TASOR2: variants seen among roughly 807,000 people sequenced by gnomAD.
The protein encoded by TASOR2 is transcription activation suppressor family member 2.
Under a neutral mutation model 199.5 loss-of-function variants are expected in TASOR2, and 84 were observed. The ratio of observed to expected loss-of-function variants is 0.42; its 90% CI spans 0.35 to 0.50. The LOEUF (loss-of-function observed/expected upper bound fraction) is 0.50, where lower values mean the gene tolerates loss of function less well. Among genes scored for constraint, TASOR2 ranks in the 20% least tolerant of loss-of-function variants. The pLI is 0.02. For synonymous variants in TASOR2, 1,103 were observed against 1,046.6 expected (o/e 1.05, Z -1.04); for missense variants, 2,796 against 2,835.9 (o/e 0.99, Z 0.32).
At chr10:5,761,319 T>C in exon 19 of TASOR2, 1 of 1,613,856 alleles carries the variant, frequency 6.2e-7, no homozygotes, top group Non-Finnish European at 8.5e-7. Context: ...AAGAAGAACA[T>C]AATGTTGAAG....
rs1478921353 is a variant in TASOR2 at position 5,689,607 on chromosome 10, C to T, written c.-288+4432C>T. Among the ~76,000 whole-genome samples the T allele has an allele frequency of 2.6e-5, 4 of 151,860 alleles. No homozygotes were observed. On this transcript the variant is annotated intron_variant, in intron 1 of 20. Transcript: ENST00000328090. This position sits in a 1 kb window ranked among gnomAD's most constrained non-coding sequence, Gnocchi z 4.1. ...AGAGCAAGACTCCATCTCAAAAAAA[C>T]AAAAAAACAAGCATGTATGTATCTT...
chr10:5,744,408 T>C (rs146233679), intron 14 of TASOR2, among the ~76,000 whole-genome samples: 1 of 152,332 alleles, frequency 6.6e-6, no homozygotes, highest in Non-Finnish European at 1.5e-5. Flanking sequence ...GTTCAACTGA[T>C]TCTCCTGCCT....
At position 5,708,809 on chromosome 10, in the gene TASOR2, G is replaced by A. The variant is rs568418565; in HGVS notation, c.-287-4014G>A. 1.0e-3 allele frequency among the ~76,000 whole-genome samples: 154 copies of A among 151,572 alleles called. 1 individual carries two copies. The highest frequency in any genetic ancestry group is 3.5e-3 in the African/African-American group (146 of 41,276). On this transcript the variant is annotated intron_variant, in intron 1 of 20. Coordinates refer to ENST00000328090, the Ensembl canonical transcript of TASOR2. The stretch of plus-strand genomic sequence containing the variant: ...TTCTTCCCCCCAGACTCAAGCCATC[G>A]TCCCACCTCAGCCTCCAAAGTAGCT...
In TASOR2 at chr10:5,685,569, C is replaced by G. The variant is rs146350806; in HGVS notation, c.-288+394C>G. Among the ~76,000 whole-genome samples, 196 of 152,310 alleles carry G rather than the reference C, an allele frequency of 1.3e-3. 3 individuals carry two copies. In the East Asian group the frequency reaches 0.027, roughly 21 times the overall value. ...ATTTCCTGCGGGTTCTGCGTGAAGC[C>G]TGCTGCTACTCGAGACTTCATGGCA... On this transcript the variant is annotated intron_variant, in intron 1 of 20. Transcript: ENST00000328090. The surrounding 1 kb of genome is among the most constrained non-coding windows in gnomAD (Gnocchi z 5.4).
chr10:5,763,372 T>C (rs1282843563), exon 21 of TASOR2: 1 of 225,820 alleles, frequency 4.4e-6, no homozygotes, highest in Non-Finnish European at 8.5e-6. Context: ...GCTTTGTTTT[T>C]GCATGCTAAT....
chr10:5,749,274 T>G, exon 15 of TASOR2: 1 of 1,614,214 alleles, frequency 6.2e-7, no homozygotes, highest in South Asian at 1.1e-5. Context: ...CGAGTTTCAG[T>G]GCAAACTGTG....
Position 5,714,162 on chromosome 10 carries a change from C to T in TASOR2, c.-192+1244C>T, listed in dbSNP as rs530055058. ...AAAATTGGTATGTCAGTGTGGACTC[C>T]GTGTTGGCAGCAGTGCTGTTACCAC... On this transcript the variant is annotated intron_variant, in intron 2 of 20. Transcript: ENST00000328090. 3.6e-5 allele frequency: 44 copies of T among 1,231,644 alleles called. No homozygotes were observed. The South Asian group carries it at 6.2e-4, about 17-fold the overall frequency. 76.3% of individuals were successfully genotyped at this position (1,231,644 alleles called of 1,614,324 possible).
At chr10:5,716,336 T>A (rs1000236510) in intron 2 of TASOR2, among the ~76,000 whole-genome samples, 5 of 152,174 alleles carry the variant, frequency 3.3e-5, no homozygotes, top group African/African-American at 1.2e-4. Flanking sequence ...TGAACATACA[T>A]GTACAAGTTT....
chr10:5,713,123 T>C (rs1344014176), intron 2 of TASOR2, among the ~76,000 whole-genome samples: 5 of 152,174 alleles, frequency 3.3e-5, no homozygotes, highest in African/African-American at 1.2e-4. Flanking sequence ...TCTCTTTAGT[T>C]TTATCTGAAA....
At chr10:5,691,622 A>G (rs1836435833) in intron 1 of TASOR2, among the ~76,000 whole-genome samples, 1 of 152,240 alleles carries the variant, frequency 6.6e-6, no homozygotes, top group South Asian at 2.1e-4. Context: ...ATGCTATACA[A>G]CACACTAATG....
At position 5,750,616 on chromosome 10, in the gene TASOR2, T is replaced by A. The variant is rs889309409; in HGVS notation, c.6606+589T>A. ...CTATTTCGGGCATAGACAGTATTTTTAAAAATTTAATTGTTTTTAATTTCA... is the reference window on the plus strand; with the variant it reads ...CTATTTCGGGCATAGACAGTATTTTAAAAAATTTAATTGTTTTTAATTTCA... On this transcript the variant is annotated intron_variant, in intron 15 of 20. Transcript: ENST00000328090. This position sits in a 1 kb window ranked among gnomAD's most constrained non-coding sequence, Gnocchi z 5.4. 2.0e-5 allele frequency among the ~76,000 whole-genome samples: 3 copies of A among 152,238 alleles called. No individual in the cohort carries two copies. Among genetic ancestry groups the A allele is most frequent in the Non-Finnish European group, 4.4e-5 (3 of 68,040 alleles).
At chr10:5,762,295 G>C (rs534025041) in intron 19 of TASOR2, among the ~76,000 whole-genome samples, 1 of 148,004 alleles carries the variant, frequency 6.8e-6, no homozygotes, top group South Asian at 2.2e-4. Flanking sequence ...TTTACGTAAA[G>C]AACCATAGTT....
chr10:5,749,033 A>C, exon 15 of TASOR2: 1 of 1,614,078 alleles, frequency 6.2e-7, no homozygotes, highest in Non-Finnish European at 8.5e-7. Flanking sequence ...TCGTCGTTGA[A>C]CTTCCACAAC....
rs1283670157 is a variant in TASOR2, at chr10:5,690,957, C to G, written c.-288+5782C>G. On this transcript the variant is annotated intron_variant, in intron 1 of 20. Coordinates refer to ENST00000328090, the Ensembl canonical transcript of TASOR2. This position sits in a 1 kb window ranked among gnomAD's most constrained non-coding sequence, Gnocchi z 4.8. ...CCTGTAATCCCAGCACTTTGGGAGG[C>G]CGAGGTGGGTGGATCACAAGGTCAG... Among the ~76,000 whole-genome samples, 1 of 151,992 alleles carries G rather than the reference C, an allele frequency of 6.6e-6. No individual in the cohort carries two copies. Among genetic ancestry groups the G allele is most frequent in the East Asian group, 1.9e-4 (1 of 5,170 alleles).
At position 5,748,777 on chromosome 10, in the gene TASOR2, G is replaced by C; in HGVS notation, c.5356G>C (p.Gly1786Arg). Residue 1786 changes from glycine (G) to arginine (R), a missense_variant, in exon 15 of 21, where the codon GGA (glycine) becomes CGA (arginine). Gly to Arg is a moderately radical substitution (Grantham distance 125). This residue lies in a region of TASOR2 where 1,941 missense variants were observed against 1,924.9 expected (regional missense o/e 1.01). Coordinates refer to ENST00000328090, the Ensembl canonical transcript of TASOR2. This position sits in a 1 kb window ranked among gnomAD's most constrained non-coding sequence, Gnocchi z 5.1. The stretch of plus-strand genomic sequence containing the variant: ...AGAATCCTTTGATACTTCTGTTTGT[G>C]GAATAGCCACAGAGCACGTAGAAAT... 1 of 1,614,152 alleles carries C rather than the reference G, an allele frequency of 6.2e-7. No homozygotes were observed. Among genetic ancestry groups the C allele is most frequent in the Non-Finnish European group, 8.5e-7 (1 of 1,180,022 alleles).
At chr10:5,743,915 C>T (rs1456449803) in intron 14 of TASOR2, 4 of 151,928 alleles carry the variant, frequency 2.6e-5, no homozygotes, top group East Asian at 1.9e-4. Flanking sequence ...CGTGTGCTAT[C>T]GCACTCCCTC....
At position 5,685,932 on chromosome 10, in the gene TASOR2, C is replaced by T. The variant is rs1406288098; in HGVS notation, c.-288+757C>T. On this transcript the variant is annotated intron_variant, in intron 1 of 20. Coordinates refer to ENST00000328090, the Ensembl canonical transcript of TASOR2. This position sits in a 1 kb window ranked among gnomAD's most constrained non-coding sequence, Gnocchi z 5.4. ...ATCCAAAACTTAAATATGTGGCGTA[C>T]AAGTGTATGGTATTATTGGAATGGC... Among the ~76,000 whole-genome samples the T allele has an allele frequency of 6.6e-6, 1 of 152,112 alleles. No homozygotes were observed. Among genetic ancestry groups the T allele is most frequent in the Admixed American group, 6.5e-5 (1 of 15,272 alleles).
chr10:5,752,145 G>A lies in TASOR2; in HGVS notation c.6606+2118G>A, dbSNP rs1838141638. On this transcript the variant is annotated intron_variant, in intron 15 of 20. Coordinates refer to ENST00000328090, the Ensembl canonical transcript of TASOR2. The surrounding 1 kb of genome is among the most constrained non-coding windows in gnomAD (Gnocchi z 4.4). The stretch of plus-strand genomic sequence containing the variant: ...GCTCCATTCAGATGTCAGCAGTCCT[G>A]TTTAGTATCTACCTCAGAGCCCCAA... 6.6e-6 allele frequency among the ~76,000 whole-genome samples: 1 copy of A among 152,154 alleles called. No homozygotes were observed.
chr10:5,749,613 C>T (rs1470784796), exon 15 of TASOR2: 6 of 1,614,134 alleles, frequency 3.7e-6, no homozygotes, highest in Non-Finnish European at 5.1e-6. Flanking sequence ...GCAGTCTGGA[C>T]AGCTCTTCCT....
Sources: allele counts gnomAD v4.1 joint callset (sites outside exome capture counted in the v4.1 genomes callset), GRCh38; gene constraint gnomAD v4.1.1; regional missense constraint gnomAD v4.1.1; non-coding constraint Gnocchi (gnomAD v3.1); transcripts MANE v1.5; gene names NCBI Gene and HGNC (gene_info 2026-07-23, HGNC 2026-07-21).